Variants in TXNDC8 observed in about 807,000 individuals in gnomAD.
The protein encoded by TXNDC8 is thioredoxin domain containing 8.
In TXNDC8, 15 loss-of-function variants were observed where a neutral mutation model predicts 12.9. The ratio of observed to expected loss-of-function variants is 1.16; its 90% confidence interval spans 0.78 to 1.79. The LOEUF (loss-of-function observed/expected upper bound fraction) is 1.79. Ranked by LOEUF, TXNDC8 falls within the 40% of genes most tolerant of loss-of-function variation. TXNDC8 has a pLI of 0.00. For synonymous variants in TXNDC8, 40 were observed against 35.4 expected (o/e 1.13, Z -0.46); for missense variants, 128 against 113.2 (o/e 1.13, Z -0.59).
At chr9:110,315,739 C>T (rs1190136681) in intron 3 of TXNDC8, among the ~76,000 whole-genome samples, 9 of 146,186 alleles carry the variant, frequency 6.2e-5, no homozygotes. Flanking sequence ...TCTTGATCTC[C>T]TGGGCTCAAG....
At chr9:110,328,044 A>G (rs1256011551) in intron 2 of TXNDC8, among the ~76,000 whole-genome samples, 3 of 152,242 alleles carry the variant, frequency 2.0e-5, no homozygotes, top group African/African-American at 7.2e-5. Flanking sequence ...TCTGGGCACC[A>G]TGTCATTTAT....
At chr9:110,304,354 C>T in intron 4 of TXNDC8, 113 bp downstream of exon 5, 2 of 963,186 alleles carry the variant, frequency 2.1e-6, no homozygotes, top group Non-Finnish European at 1.5e-6. Context: ...CATCCCCACA[C>T]CAAAGGCTTC....
intron 2 of TXNDC8, among the ~76,000 whole-genome samples, chr9:110,327,716 T>G (rs113558187): frequency 7.5e-4 from 114 of 152,328 alleles, no homozygotes; most frequent in Middle Eastern, 3.4e-3. Flanking sequence ...TATGATTCCC[T>G]TTATAGGAAA....
chr9:110,324,693 C>A (rs1032197775), intron 3 of TXNDC8, among the ~76,000 whole-genome samples: 1 of 151,868 alleles, frequency 6.6e-6, no homozygotes, highest in Non-Finnish European at 1.5e-5. Flanking sequence ...ATTTCTGTAC[C>A]GAAAGTTCCC....
intron 4 of TXNDC8, 164 bp from the exon 6 acceptor site, chr9:110,303,747 A>G: frequency 6.7e-7 from 1 of 1,501,458 alleles, no homozygotes; most frequent in Non-Finnish European, 9.0e-7. Flanking sequence ...TTAAATTCAT[A>G]ATATTTTCAT....
At chr9:110,327,215 G>A (rs940053082) in intron 2 of TXNDC8, among the ~76,000 whole-genome samples, 3 of 152,024 alleles carry the variant, frequency 2.0e-5, no homozygotes, top group Middle Eastern at 6.4e-3. Flanking sequence ...TCCTCAGAAA[G>A]TTAAACACAG....
chr9:110,333,272 C>T (rs1839612116), intron 2 of TXNDC8, among the ~76,000 whole-genome samples: 1 of 152,070 alleles, frequency 6.6e-6, no homozygotes, highest in African/African-American at 2.4e-5. Context: ...GTCAGATCAG[C>T]GTGGAATTAG....
intron 3 of TXNDC8, among the ~76,000 whole-genome samples, chr9:110,310,843 C>A (rs1425575809): frequency 6.6e-6 from 1 of 152,204 alleles, no homozygotes; most frequent in Non-Finnish European, 1.5e-5. Flanking sequence ...ATAGGGGTTA[C>A]AAAACTATAA....
chr9:110,303,054 A>G (rs1247066010), downstream of TXNDC8, among the ~76,000 whole-genome samples: 2 of 149,818 alleles, frequency 1.3e-5, no homozygotes, highest in East Asian at 3.9e-4. Context: ...ACAGAGCAAG[A>G]CTGTCTCAAA....
chr9:110,332,876 G>C (rs1372644938), intron 2 of TXNDC8, among the ~76,000 whole-genome samples: 1 of 152,142 alleles, frequency 6.6e-6, no homozygotes, highest in East Asian at 1.9e-4. Context: ...ATTTTACAAA[G>C]TAAATCAAGG....
chr9:110,312,071 C>A (rs1347035056), intron 3 of TXNDC8, among the ~76,000 whole-genome samples: 1 of 151,604 alleles, frequency 6.6e-6, no homozygotes, highest in African/African-American at 2.4e-5. Context: ...TAAAAAAAAA[C>A]CGAAGTAATA....
chr9:110,330,046 G>A (rs1431244315), intron 2 of TXNDC8, among the ~76,000 whole-genome samples: 2 of 152,188 alleles, frequency 1.3e-5, no homozygotes, highest in Admixed American at 1.3e-4. Context: ...AGCAGCCACA[G>A]CAGCAGCAGT....
chr9:110,321,858 T>C (rs1028264520), intron 3 of TXNDC8, among the ~76,000 whole-genome samples: 1 of 152,282 alleles, frequency 6.6e-6, no homozygotes, highest in South Asian at 2.1e-4. Flanking sequence ...AGAGGTGTCA[T>C]GGCTTAACTG....
chr9:110,322,856 T>G (rs1839161422), intron 3 of TXNDC8: 12 of 985,274 alleles, frequency 1.2e-5, no homozygotes, highest in Non-Finnish European at 1.4e-5. Flanking sequence ...ACACACATCA[T>G]GAGTATTTTC....
intron 2 of TXNDC8, among the ~76,000 whole-genome samples, chr9:110,328,071 C>T (rs1839402564): frequency 6.6e-6 from 1 of 152,112 alleles, no homozygotes; most frequent in Admixed American, 6.5e-5. Flanking sequence ...TATTTTATCT[C>T]ATTTTATCTT....
At chr9:110,319,057 C>T (rs1024358583) in intron 3 of TXNDC8, among the ~76,000 whole-genome samples, 10 of 152,304 alleles carry the variant, frequency 6.6e-5, no homozygotes, top group South Asian at 2.1e-4. Context: ...ACTTTTGTTC[C>T]ATCTCACTTA....
intron 3 of TXNDC8, among the ~76,000 whole-genome samples, chr9:110,305,546 T>TTTTCTTTCTTTCTTTC (rs201277248): frequency 8.7e-5 from 10 of 115,416 alleles, no homozygotes; most frequent in Admixed American, 2.8e-4. Flanking sequence ...TGTATTTTCT[T>TTTTCTTTCTTTCTTTC]TTTCTTTCTT....
rs1216067551 is a variant in TXNDC8 at position 110,326,248 on chromosome 9, A to G, written c.130-8T>C. 6.2e-7 allele frequency: 1 copy of G among 1,614,004 alleles called. No homozygotes were observed. The highest frequency in any genetic ancestry group is 1.1e-5 in the South Asian group (1 of 91,082). On this transcript the variant is annotated splice_region_variant and splice_polypyrimidine_tract_variant and intron_variant, in intron 2 of 4. Transcript: ENST00000423740. ...ACAAGTTTCAGCCAGCTCCTGGGAA[A>G]GCAAAGAAATGGCATGAAGTTACAG...
At chr9:110,307,891 C>T (rs892177946) in intron 3 of TXNDC8, among the ~76,000 whole-genome samples, 6 of 152,336 alleles carry the variant, frequency 3.9e-5, no homozygotes, top group Admixed American at 6.5e-5. Context: ...GTCCTCTAAC[C>T]GTCTTGGGCA....
Sources: allele counts gnomAD v4.1 joint callset (sites outside exome capture counted in the v4.1 genomes callset), GRCh38; gene constraint gnomAD v4.1.1; transcripts MANE v1.5; gene names NCBI Gene and HGNC (gene_info 2026-07-23, HGNC 2026-07-21).